Variants in USP29 observed in about 807,000 individuals in gnomAD.
USP29 encodes the protein ubiquitin carboxyl-terminal hydrolase 29.
For missense variants in USP29, 1,102 were observed against 1,069.0 expected, an observed-to-expected ratio of 1.03 and a Z score of -0.43; for synonymous variants, 386 against 387.4, an observed-to-expected ratio of 1.00 and a Z score of 0.04.
chr19:57,128,254 T>C (rs2086833960), intron 3 of USP29, among the ~76,000 whole-genome samples: 1 of 152,212 alleles, frequency 6.6e-6, no homozygotes, highest in Admixed American at 6.5e-5. Context: ...AAAAATTTTA[T>C]GTAGCGATGA....
chr19:57,131,527 A>G lies in USP29; in HGVS notation c.*83A>G. On this transcript the variant is annotated 3_prime_UTR_variant, in exon 4 of 4. Coordinates refer to ENST00000254181, the MANE Select transcript of USP29 (RefSeq NM_020903.3). ...AAAGAGAATCCTGTACTTCACTCAG[A>G]ATGAAGGAACAAGTATCTCAGGATG... is the stretch of plus-strand genomic sequence containing the variant. 6.7e-7 allele frequency: 1 copy of G among 1,497,754 alleles called. No homozygotes were observed. The highest frequency in any genetic ancestry group is 2.3e-5 in the East Asian group (1 of 43,736). 92.8% of individuals were successfully genotyped at this position (1,497,754 alleles called of 1,614,324 possible).
rs1351524903 is a variant in USP29 at position 57,130,697 on chromosome 19, C to A, written c.2022C>A (p.Asp674Glu). The change falls in exon 4 of 4, where the codon GAC becomes GAA. Residue 674 changes from aspartate (D) to glutamate (E), a missense_variant. Transcript: ENST00000254181. ...EDGGKLISSP[D>E]TRLVEVHLQE... is the part of the protein sequence containing the mutation. ...GAGGGAAGCTGATCAGCAGCCCAGACACAAGGCTTGTCGAGGTTCATCTTC... is the reference window on the plus strand; with the variant it reads ...GAGGGAAGCTGATCAGCAGCCCAGAAACAAGGCTTGTCGAGGTTCATCTTC... 6.2e-7 allele frequency: 1 copy of A among 1,614,118 alleles called. No homozygotes were observed.
chr19:57,129,222 A>C lies in USP29; in HGVS notation c.547A>C (p.Ile183Leu), dbSNP rs537840815. 5.3e-5 allele frequency: 85 copies of C among 1,612,172 alleles called. 2 individuals are homozygous for C. In the South Asian group the frequency reaches 8.7e-4, roughly 17 times the overall value. ...LSSDVQTNED[I>L]LKEDNPVPNK... ...ATCTGATGTACAGACAAATGAGGACATTCTGAAGGAAGATAACCCTGTACC... is the reference window on the plus strand; with the variant it reads ...ATCTGATGTACAGACAAATGAGGACCTTCTGAAGGAAGATAACCCTGTACC... The change falls in exon 4 of 4, where the codon ATT (isoleucine) becomes CTT (leucine). Residue 183 changes from isoleucine (I) to leucine (L), a missense_variant. Transcript: ENST00000254181.
At chr19:57,128,574 C>G in intron 3 of USP29, 86 bp from the exon 4 acceptor site, 1 of 1,296,086 alleles carries the variant, frequency 7.7e-7, no homozygotes, top group Non-Finnish European at 1.0e-6. Flanking sequence ...AAAAATAAAT[C>G]ATTATTATAT....
Position 57,125,671 on chromosome 19 carries a change from T to C in USP29, c.-17+1532T>C, listed in dbSNP as rs561259845. ...CCTATGTATGTCTTTGCACATGAGA[T>C]AGGTCTCCTGAATATAGCACATCAA... On this transcript the variant is annotated intron_variant, in intron 3 of 3. Transcript: ENST00000254181. Among the ~76,000 whole-genome samples, 83 of 152,128 alleles carry C rather than the reference T, an allele frequency of 5.5e-4. 1 individual carries two copies. The highest frequency in any genetic ancestry group is 9.6e-4 in the Non-Finnish European group (65 of 68,030).
rs747180079 is a variant in USP29 at position 57,131,814 on chromosome 19, A to G, written c.*370A>G. On this transcript the variant is annotated 3_prime_UTR_variant, in exon 4 of 4. Coordinates refer to ENST00000254181, the MANE Select transcript of USP29 (RefSeq NM_020903.3). Reference sequence around the variant, plus strand: ...GAGGTGTGAGCCAGCAATCAGATGGAGATTCTAGTGCTCATGAAAGTTTGA... The same window carrying G: ...GAGGTGTGAGCCAGCAATCAGATGGGGATTCTAGTGCTCATGAAAGTTTGA... The G allele has an allele frequency of 3.2e-5, 7 of 219,908 alleles. No individual in the cohort carries two copies. The highest frequency in any genetic ancestry group is 4.9e-5 in the Non-Finnish European group (5 of 102,442). The allele number at this position is 219,908 out of a possible 1,614,324, so 13.6% of individuals were successfully genotyped here.
chr19:57,130,605 G>A lies in USP29; in HGVS notation c.1930G>A (p.Glu644Lys), dbSNP rs2086852816. ...TAGAGATAGGGCAATCGGTGAAAAG[G>A]AGCTTCCAGTGGCTGACTCACTGAT... is the stretch of plus-strand genomic sequence containing the variant. ...HFRDRAIGEKELPVADSLMDQ... is the reference protein window; with the variant it reads ...HFRDRAIGEKKLPVADSLMDQ... Residue 644 changes from glutamate to lysine, a missense_variant, in exon 4 of 4, where the codon GAG becomes AAG. Coordinates refer to ENST00000254181, the MANE Select transcript of USP29 (RefSeq NM_020903.3). 6.2e-7 allele frequency: 1 copy of A among 1,614,170 alleles called. No homozygotes were observed. The highest frequency in any genetic ancestry group is 8.5e-7 in the Non-Finnish European group (1 of 1,180,044).
At position 57,129,161 on chromosome 19, in the gene USP29, A is replaced by G; in HGVS notation, c.486A>G (p.Leu162=). The G allele has an allele frequency of 6.2e-7, 1 of 1,613,678 alleles. No homozygotes were observed. Among genetic ancestry groups the G allele is most frequent in the Non-Finnish European group, 8.5e-7 (1 of 1,179,752 alleles). Residue 162 remains leucine, a synonymous_variant, in exon 4 of 4, where the codon TTA becomes TTG. Transcript: ENST00000254181. ...KSPTHVKKGI[L]ENQGGKGQNT... ...CAACACATGTGAAAAAGGGGATATT[A>G]GAAAATCAAGGTGGGAAGGGGCAAA...
Position 57,129,136 on chromosome 19 carries a change from C to T in USP29, c.461C>T (p.Pro154Leu), listed in dbSNP as rs760701179. Residue 154 changes from proline to leucine, a missense_variant, in exon 4 of 4, where the codon CCA becomes CTA. Coordinates refer to ENST00000254181, the MANE Select transcript of USP29 (RefSeq NM_020903.3). ...QKMPLFMSKS[P>L]THVKKGILEN... ...ATGCCTTTGTTTATGTCAAAATCAC[C>T]AACACATGTGAAAAAGGGGATATTA... 4 of 1,613,160 alleles carry T rather than the reference C, an allele frequency of 2.5e-6. No homozygotes were observed. The Admixed American group carries it at 6.7e-5, about 27-fold the overall frequency.
intron 3 of USP29, among the ~76,000 whole-genome samples, chr19:57,125,736 T>C (rs4801431): frequency 0.46 from 69,057 of 151,718 alleles, 16,529 homozygotes; most frequent in South Asian, 0.57. Flanking sequence ...GTCTGTATCT[T>C]TTAATTGGGG....
At chr19:57,122,890 T>C (rs1362069356) in intron 2 of USP29, among the ~76,000 whole-genome samples, 2 of 152,112 alleles carry the variant, frequency 1.3e-5, no homozygotes, top group African/African-American at 4.8e-5. Flanking sequence ...GAAGTTTCCC[T>C]AAAGAGGCAA....
At chr19:57,126,332 G>C (rs1169810439) in intron 3 of USP29, among the ~76,000 whole-genome samples, 1 of 152,046 alleles carries the variant, frequency 6.6e-6, no homozygotes, top group African/African-American at 2.4e-5. Context: ...AGTTCTCCTG[G>C]ATAATATCCC....
rs1184937952 is a variant in USP29, at chr19:57,122,312, C to T, written c.-267-13C>T. 6.6e-6 allele frequency: 1 copy of T among 152,070 alleles called. No individual in the cohort carries two copies. Among genetic ancestry groups the T allele is most frequent in the Non-Finnish European group, 1.5e-5 (1 of 68,020 alleles). 9.4% of individuals were successfully genotyped at this position (152,070 alleles called of 1,614,324 possible). A position where few individuals can be genotyped will look rare whatever the true frequency, so the allele number is the denominator to read the frequency against. ...AATCACTGTCAGACTCAACTTCCAT[C>T]ATTCTCCTCCAGGCGCTATGGAGTC... On this transcript the variant is annotated splice_polypyrimidine_tract_variant and intron_variant, in intron 1 of 3. Coordinates refer to ENST00000254181, the MANE Select transcript of USP29 (RefSeq NM_020903.3).
chr19:57,131,091 G>A lies in USP29; in HGVS notation c.2416G>A (p.Glu806Lys). The stretch of plus-strand genomic sequence containing the variant: ...TTTAGATGCAGAGAACACAAGAGGT[G>A]AAGCCAAGGAACTAACAAGAAACGT... ...NILDAENTRG[E>K]AKELTRNVKM... The change falls in exon 4 of 4, where the codon GAA (glutamate) becomes AAA (lysine). Residue 806 changes from glutamate (E) to lysine (K), a missense_variant. Transcript: ENST00000254181. 1 of 1,614,164 alleles carries A rather than the reference G, an allele frequency of 6.2e-7. No homozygotes were observed. Among genetic ancestry groups the A allele is most frequent in the Non-Finnish European group, 8.5e-7 (1 of 1,180,026 alleles).
chr19:57,131,480 G>A lies in USP29; in HGVS notation c.*36G>A. ...CGGCCTCACTTCATCCTTGCAAAGAGAATCCTGTACTTCATCCTTGCAAAG... is the reference window on the plus strand; with the variant it reads ...CGGCCTCACTTCATCCTTGCAAAGAAAATCCTGTACTTCATCCTTGCAAAG... On this transcript the variant is annotated 3_prime_UTR_variant, in exon 4 of 4. Transcript: ENST00000254181. 1 of 1,554,722 alleles carries A rather than the reference G, an allele frequency of 6.4e-7. No homozygotes were observed. The highest frequency in any genetic ancestry group is 1.2e-5 in the South Asian group (1 of 80,626).
Position 57,129,983 on chromosome 19 carries a change from T to C in USP29, c.1308T>C (p.Leu436=), listed in dbSNP as rs1433630529. ...TTGAGTTTGAATTGCAGCTCTCCCTTATTTGTAAAGCTTGTGGTCATGCTG... is the reference window on the plus strand; with the variant it reads ...TTGAGTTTGAATTGCAGCTCTCCCTCATTTGTAAAGCTTGTGGTCATGCTG... ...ANFEFELQLS[L]ICKACGHAVL... Residue 436 remains leucine, a synonymous_variant, in exon 4 of 4, where the codon CTT becomes CTC. Transcript: ENST00000254181. The C allele has an allele frequency of 1.2e-6, 2 of 1,614,200 alleles. No homozygotes were observed.
rs147668479 is a variant in USP29, at chr19:57,129,225, C to G, written c.550C>G (p.Leu184Val). Residue 184 changes from leucine to valine, a missense_variant, in exon 4 of 4, where the codon CTG (leucine) becomes GTG (valine). Transcript: ENST00000254181. ...SSDVQTNEDI[L>V]KEDNPVPNKK... The stretch of plus-strand genomic sequence containing the variant: ...TGATGTACAGACAAATGAGGACATT[C>G]TGAAGGAAGATAACCCTGTACCAAA... 176 of 1,612,022 alleles carry G rather than the reference C, an allele frequency of 1.1e-4. No homozygotes were observed. The highest frequency in any genetic ancestry group is 1.7e-4 in the Middle Eastern group (1 of 6,050).
chr19:57,131,160 G>A lies in USP29; in HGVS notation c.2485G>A (p.Val829Ile). The A allele has an allele frequency of 1.9e-6, 3 of 1,614,230 alleles. No individual in the cohort carries two copies. Among genetic ancestry groups the A allele is most frequent in the Non-Finnish European group, 2.5e-6 (3 of 1,180,048 alleles). Residue 829 changes from valine (V) to isoleucine (I), a missense_variant, in exon 4 of 4, where the codon GTC becomes ATC. Val to Ile is a conservative substitution (Grantham distance 29). Coordinates refer to ENST00000254181, the MANE Select transcript of USP29 (RefSeq NM_020903.3). ...PLQAYRLISV[V>I]SHIGSSPNSG... ...CCAGGCCTACAGACTCATCAGTGTT[G>A]TCAGCCATATCGGGAGCTCCCCAAA... is the stretch of plus-strand genomic sequence containing the variant.
intron 3 of USP29, among the ~76,000 whole-genome samples, chr19:57,125,449 T>A (rs1259832710): frequency 1.3e-5 from 2 of 152,154 alleles, no homozygotes; most frequent in African/African-American, 2.4e-5. Flanking sequence ...TGGATGCTCC[T>A]GTATTGGGTG....
Sources: allele counts gnomAD v4.1 joint callset (sites outside exome capture counted in the v4.1 genomes callset), GRCh38; gene constraint gnomAD v4.1.1; transcripts MANE v1.5; gene names NCBI Gene and HGNC (gene_info 2026-07-23, HGNC 2026-07-21).